The following POU2F1 variants were observed in gnomAD, a reference collection of about 807,000 sequenced individuals.
POU2F1 encodes POU domain, class 2, transcription factor 1.
A neutral mutation model predicts 84.9 loss-of-function variants in POU2F1; 16 were observed. That is an observed-to-expected ratio of 0.19 (90% CI 0.13 to 0.29). The LOEUF (loss-of-function observed/expected upper bound fraction) is 0.29, where lower values mean the gene tolerates loss of function less well. Among genes scored for constraint, POU2F1 ranks in the 10% least tolerant of loss-of-function variants. The probability of loss-of-function intolerance (pLI) is 1.00; values close to 1 mark genes in which losing one functional copy is unlikely to be tolerated. For synonymous variants in POU2F1, 368 were observed against 368.3 expected, an observed-to-expected ratio of 1.00 and a Z score of 0.01; for missense variants, 738 against 942.6, an observed-to-expected ratio of 0.78 and a Z score of 2.84.
At chr1:167,244,627 G>A (rs1650174837) in intron 1 of POU2F1, among the ~76,000 whole-genome samples, 1 of 152,190 alleles carries the variant, frequency 6.6e-6, no homozygotes, top group Non-Finnish European at 1.5e-5. Flanking sequence ...TCAAGGGGAA[G>A]GGGCTACACA....
chr1:167,311,200 T>C (rs1655444795), intron 1 of POU2F1, among the ~76,000 whole-genome samples: 1 of 152,128 alleles, frequency 6.6e-6, no homozygotes, highest in Non-Finnish European at 1.5e-5. Flanking sequence ...AATAAAACTT[T>C]ATATAAACTG....
chr1:167,338,771 T>C (rs533748008), intron 2 of POU2F1, among the ~76,000 whole-genome samples: 1 of 152,338 alleles, frequency 6.6e-6, no homozygotes, highest in Non-Finnish European at 1.5e-5. Flanking sequence ...TTATAAGATA[T>C]TCCATTGTAT....
At chr1:167,320,434 A>G (rs796073632) in intron 1 of POU2F1, among the ~76,000 whole-genome samples, 3 of 152,344 alleles carry the variant, frequency 2.0e-5, no homozygotes, top group African/African-American at 4.8e-5. Context: ...AAAAATTGAA[A>G]CAGTTTTCGT....
rs1324038882 is a variant in POU2F1 at position 167,356,280 on chromosome 1, C to T, written c.128-9187C>T. Among the ~76,000 whole-genome samples, 7 of 149,624 alleles carry T rather than the reference C, an allele frequency of 4.7e-5. No individual in the cohort carries two copies. The East Asian group carries it at 7.9e-4, about 17-fold the overall frequency. ...GGCTCACGCCTGCTAGGATTACAGG[C>T]GTGAGCCACCCTGCCTGGCCACAAA... On this transcript the variant is annotated intron_variant, in intron 2 of 15. Coordinates refer to ENST00000367866, the MANE Select transcript of POU2F1 (RefSeq NM_002697.4).
At chr1:167,363,115 T>C (rs1169166862) in intron 2 of POU2F1, among the ~76,000 whole-genome samples, 1 of 152,234 alleles carries the variant, frequency 6.6e-6, no homozygotes, top group African/African-American at 2.4e-5. Context: ...CCAGGGATAC[T>C]AGACATCAAT....
At chr1:167,325,133 GTATTTT>G (rs1442327439) in intron 1 of POU2F1, among the ~76,000 whole-genome samples, 5 of 152,140 alleles carry the variant, frequency 3.3e-5, no homozygotes, top group African/African-American at 1.2e-4. Context: ...GAGGTACTAA[GTATTTT>G]TATTACAGAG....
At chr1:167,402,011 T>A (rs1649246755) in intron 13 of POU2F1, among the ~76,000 whole-genome samples, 1 of 152,222 alleles carries the variant, frequency 6.6e-6, no homozygotes, top group Non-Finnish European at 1.5e-5. Context: ...TTATAAATGA[T>A]TTTATTTTTA....
chr1:167,393,057 C>CAT (rs1252828608), intron 9 of POU2F1, among the ~76,000 whole-genome samples: 6 of 152,202 alleles, frequency 3.9e-5, no homozygotes, highest in Non-Finnish European at 8.8e-5. Context: ...GAAAACATGT[C>CAT]ATAGCATAAT....
At chr1:167,292,901 A>AC (rs1173418681) in intron 1 of POU2F1, among the ~76,000 whole-genome samples, 6 of 152,196 alleles carry the variant, frequency 3.9e-5, no homozygotes, top group Non-Finnish European at 8.8e-5. Context: ...TTACAAACAA[A>AC]AACCATACGA....
In POU2F1 at chr1:167,376,055, A is replaced by G. The variant is rs1205521707; in HGVS notation, c.618A>G (p.Gln206=). 4 of 1,614,102 alleles carry G rather than the reference A, an allele frequency of 2.5e-6. No homozygotes were observed. The highest frequency in any genetic ancestry group is 3.3e-5 in the Admixed American group (2 of 60,012). Residue 206 remains glutamine, a synonymous_variant, in exon 7 of 16, where the codon CAA becomes CAG. Transcript: ENST00000367866. ...ATCTTCAACAACTGCAACAGCTTCA[A>G]CAGCAGAATCTCAACCTGCAACAGT... The part of the protein sequence containing the change: ...AQDLQQLQQL[Q]QQNLNLQQFV...
In POU2F1 at chr1:167,398,099, A is replaced by G. The variant is rs771620813; in HGVS notation, c.1235A>G (p.Asn412Ser). ...RRKKRTSIET[N>S]IRVALEKSFL... ...AAGAAACGCACCAGCATAGAGACCAACATCCGTGTGGCCTTAGAGAAGAGT... is the reference window on the plus strand; with the variant it reads ...AAGAAACGCACCAGCATAGAGACCAGCATCCGTGTGGCCTTAGAGAAGAGT... The change falls in exon 11 of 16, where the codon AAC (asparagine) becomes AGC (serine). Residue 412 changes from asparagine (N) to serine (S), a missense_variant. By Grantham distance (46) the Asn-to-Ser change is conservative. Around this residue, in one of 4 missense-constraint regions of POU2F1, gnomAD observed 95 missense variants for 195.1 expected, o/e 0.49. Coordinates refer to ENST00000367866, the MANE Select transcript of POU2F1 (RefSeq NM_002697.4). 3.1e-6 allele frequency: 5 copies of G among 1,613,974 alleles called. No homozygotes were observed. The highest frequency in any genetic ancestry group is 4.2e-6 in the Non-Finnish European group (5 of 1,179,990).
intron 1 of POU2F1, among the ~76,000 whole-genome samples, chr1:167,322,061 G>A (rs377234063): frequency 2.2e-4 from 33 of 152,176 alleles, no homozygotes; most frequent in Admixed American, 2.1e-3. Flanking sequence ...AATTGGCCAC[G>A]TGGACGGCCA....
chr1:167,308,633 C>T (rs901865665), intron 1 of POU2F1, among the ~76,000 whole-genome samples: 13 of 152,136 alleles, frequency 8.5e-5, no homozygotes, highest in Admixed American at 7.9e-4. Context: ...TTAAGAGATC[C>T]TCCCACCTCA....
chr1:167,412,053 C>T lies in POU2F1; in HGVS notation c.1650C>T (p.Ser550=). 6.2e-7 allele frequency: 1 copy of T among 1,614,202 alleles called. No individual in the cohort carries two copies. The highest frequency in any genetic ancestry group is 1.1e-5 in the South Asian group (1 of 91,088). ...TCACGTCCCCCTCTCTGAGTCCCTCCCCTTCTGCCTCAGCCTCCACCTCCG... is the reference window on the plus strand; with the variant it reads ...TCACGTCCCCCTCTCTGAGTCCCTCTCCTTCTGCCTCAGCCTCCACCTCCG... ...SAVTSPSLSP[S]PSASASTSEA... is the part of the protein sequence containing the mutation. Residue 550 remains serine, a synonymous_variant, in exon 14 of 16, where the codon TCC becomes TCT. Coordinates refer to ENST00000367866, the MANE Select transcript of POU2F1 (RefSeq NM_002697.4).
At chr1:167,252,840 C>T (rs948957022) in intron 1 of POU2F1, among the ~76,000 whole-genome samples, 4 of 152,164 alleles carry the variant, frequency 2.6e-5, no homozygotes, top group Non-Finnish European at 5.9e-5. Flanking sequence ...AGCTTTTGAT[C>T]TTATGTGTAA....
At chr1:167,353,707 CT>C (rs11431009) in intron 2 of POU2F1, among the ~76,000 whole-genome samples, 4 of 151,960 alleles carry the variant, frequency 2.6e-5, no homozygotes, top group African/African-American at 4.8e-5. Flanking sequence ...TTTTGTTGCA[CT>C]TTTTTTTATT....
At chr1:167,274,278 C>G (rs1454055341) in intron 1 of POU2F1, among the ~76,000 whole-genome samples, 2 of 152,124 alleles carry the variant, frequency 1.3e-5, no homozygotes, top group East Asian at 3.8e-4. Flanking sequence ...GCTTCTCACC[C>G]TGTTGCTTTA....
At chr1:167,231,234 C>CT (rs1396415502) in intron 1 of POU2F1, among the ~76,000 whole-genome samples, 10 of 151,538 alleles carry the variant, frequency 6.6e-5, no homozygotes, top group African/African-American at 1.2e-4. Context: ...AGTTTTCATA[C>CT]TTTTTTTTTC....
At chr1:167,274,247 A>G (rs1014673163) in intron 1 of POU2F1, among the ~76,000 whole-genome samples, 1 of 152,094 alleles carries the variant, frequency 6.6e-6, no homozygotes, top group African/African-American at 2.4e-5. Context: ...CTAGCATGTA[A>G]TGTTTTGCTT....
Sources: allele counts gnomAD v4.1 joint callset (sites outside exome capture counted in the v4.1 genomes callset), GRCh38; gene constraint gnomAD v4.1.1; regional missense constraint gnomAD v4.1.1; transcripts MANE v1.5; gene names NCBI Gene and HGNC (gene_info 2026-07-23, HGNC 2026-07-21).